The following LMBR1 variants were observed in gnomAD, a reference collection of about 807,000 sequenced individuals.
The protein encoded by LMBR1 is limb development membrane protein 1, also known as limb region 1 protein homolog.
In LMBR1, 52 loss-of-function variants were observed where a neutral mutation model predicts 73.9. That is an observed-to-expected ratio of 0.70 (90% CI 0.56 to 0.89). The LOEUF is 0.89. Among genes scored for constraint, LMBR1 ranks in the 40% least tolerant of loss-of-function variants. LMBR1 has a pLI of 0.00. For synonymous variants in LMBR1, 215 were observed against 209.4 expected, an observed-to-expected ratio of 1.03 and a Z score of -0.23; for missense variants, 539 against 579.8, an observed-to-expected ratio of 0.93 and a Z score of 0.72.
chr7:156,767,191 G>T (rs907526404), intron 5 of LMBR1, among the ~76,000 whole-genome samples: 1 of 152,074 alleles, frequency 6.6e-6, no homozygotes, highest in African/African-American at 2.4e-5. Flanking sequence ...GAGCATGCAG[G>T]GGAACTTTAG....
chr7:156,875,544 A>C (rs1800031035), intron 1 of LMBR1, among the ~76,000 whole-genome samples: 1 of 152,214 alleles, frequency 6.6e-6, no homozygotes, highest in South Asian at 2.1e-4. Flanking sequence ...AAGATGAAGG[A>C]AAGAATGTTA....
At chr7:156,716,191 C>T (rs1813172944) in intron 15 of LMBR1, among the ~76,000 whole-genome samples, 1 of 152,194 alleles carries the variant, frequency 6.6e-6, no homozygotes, top group South Asian at 2.1e-4. Flanking sequence ...GACTCTGAGA[C>T]ACCTTCACGT....
At chr7:156,721,044 T>C (rs555739512) in intron 15 of LMBR1, among the ~76,000 whole-genome samples, 1 of 152,194 alleles carries the variant, frequency 6.6e-6, no homozygotes, top group African/African-American at 2.4e-5. Flanking sequence ...TAATAGACTA[T>C]ATGGGACCCA....
intron 9 of LMBR1, among the ~76,000 whole-genome samples, chr7:156,741,149 T>C (rs546607107): frequency 5.3e-5 from 8 of 152,160 alleles, no homozygotes; most frequent in African/African-American, 1.4e-4. Context: ...TTGAAGAACA[T>C]ACAATGGATA....
intron 1 of LMBR1, among the ~76,000 whole-genome samples, chr7:156,877,140 A>G (rs533587036): frequency 6.6e-6 from 1 of 152,320 alleles, no homozygotes; most frequent in East Asian, 1.9e-4. Flanking sequence ...TAGACACATA[A>G]ACTAGAAAAC....
chr7:156,843,241 A>G (rs1839023468), intron 1 of LMBR1, among the ~76,000 whole-genome samples: 2 of 151,966 alleles, frequency 1.3e-5, no homozygotes, highest in African/African-American at 4.8e-5. Context: ...AACATCAAAT[A>G]CTCCCAGGAT....
intron 4 of LMBR1, among the ~76,000 whole-genome samples, chr7:156,805,958 C>T (rs964828090): frequency 4.6e-5 from 7 of 152,230 alleles, no homozygotes; most frequent in African/African-American, 1.7e-4. Context: ...GACAACCATC[C>T]GTGAGCCAAG....
intron 9 of LMBR1, among the ~76,000 whole-genome samples, chr7:156,741,321 C>G (rs1447521610): frequency 6.6e-6 from 1 of 151,874 alleles, no homozygotes; most frequent in South Asian, 2.1e-4. Flanking sequence ...TAACACTGAT[C>G]GTAAATGAAC....
intron 9 of LMBR1, among the ~76,000 whole-genome samples, chr7:156,749,188 T>C (rs753914800): frequency 1.1e-4 from 17 of 152,208 alleles, no homozygotes; most frequent in Non-Finnish European, 2.2e-4. Flanking sequence ...TTTGTAGGAT[T>C]GTCATTGCCA....
Position 156,836,775 on chromosome 7 carries a change from A to G in LMBR1, c.139+38T>C, listed in dbSNP as rs1363811423. 3.0e-6 allele frequency: 4 copies of G among 1,339,382 alleles called. No homozygotes were observed. In the Admixed American group the frequency reaches 8.1e-5, roughly 27 times the overall value. The allele number at this position is 1,339,382 out of a possible 1,614,324, so 83.0% of individuals were successfully genotyped here. On this transcript the variant is annotated intron_variant, in intron 2 of 16. Coordinates refer to ENST00000353442, the MANE Select transcript of LMBR1 (RefSeq NM_022458.4). ...ATATACCATGCCTAGACCATGTGGC[A>G]TTCTAACAAAGGTTTTAATTGACAT...
At chr7:156,888,655 C>A (rs915072787) in intron 1 of LMBR1, among the ~76,000 whole-genome samples, 1 of 152,140 alleles carries the variant, frequency 6.6e-6, no homozygotes, top group Non-Finnish European at 1.5e-5. Context: ...CGTTGGCTCC[C>A]GCCTGTAATC....
At chr7:156,744,355 T>TC (rs1819473637) in intron 9 of LMBR1, among the ~76,000 whole-genome samples, 1 of 152,022 alleles carries the variant, frequency 6.6e-6, no homozygotes, top group African/African-American at 2.4e-5. Context: ...TTTTTTTTTT[T>TC]CCATTGTTCT....
chr7:156,834,693 G>A (rs1426670032), intron 2 of LMBR1: 3 of 156,010 alleles, frequency 1.9e-5, no homozygotes, highest in Non-Finnish European at 4.1e-5. Flanking sequence ...TAAATATATT[G>A]AAATATATTT....
At position 156,678,596 on chromosome 7, in the gene LMBR1, C is replaced by T. The variant is rs1804470967; in HGVS notation, c.*5482G>A. 2 of 152,206 alleles carry T rather than the reference C, an allele frequency of 1.3e-5. No homozygotes were observed. Among genetic ancestry groups the T allele is most frequent in the African/African-American group, 4.8e-5 (2 of 41,454 alleles). The allele number at this position is 152,206 out of a possible 1,614,324, so 9.4% of individuals were successfully genotyped here. On this transcript the variant is annotated 3_prime_UTR_variant, in exon 17 of 17. Transcript: ENST00000353442. ...CAGGTCTCTTCTATAAAAACTGGGA[C>T]ACTGACCAAGAAAGAGTGGGGCCTT... is the stretch of plus-strand genomic sequence containing the variant.
chr7:156,673,047 G>T (rs1235409938), downstream of LMBR1, among the ~76,000 whole-genome samples: 1 of 152,220 alleles, frequency 6.6e-6, no homozygotes, highest in Non-Finnish European at 1.5e-5. Context: ...CAGGAGCTGA[G>T]GCTGCGGGGT....
intron 5 of LMBR1, 133 bp from the exon 6 acceptor site, chr7:156,763,928 C>A (rs986889666): frequency 1.0e-5 from 6 of 592,970 alleles, no homozygotes; most frequent in Non-Finnish European, 1.6e-5. Flanking sequence ...AGGAAAAAAA[C>A]ACTAGGTACT....
chr7:156,761,961 A>G (rs1823101345), intron 8 of LMBR1, among the ~76,000 whole-genome samples, 173 bp downstream of exon 8: 1 of 135,076 alleles, frequency 7.4e-6, no homozygotes, highest in African/African-American at 2.9e-5. Context: ...TGGGCGACAG[A>G]GCAAGACTCT....
chr7:156,887,578 C>CATGATGCCAGTTGGTG (rs1343747157), intron 1 of LMBR1, among the ~76,000 whole-genome samples: 3 of 151,680 alleles, frequency 2.0e-5, no homozygotes, highest in Admixed American at 1.3e-4. Context: ...GGAAAACCTT[C>CATGATGCCAGTTGGTG]ATGATGCCAG....
chr7:156,740,916 G>A (rs930730012), intron 9 of LMBR1, among the ~76,000 whole-genome samples: 4 of 152,062 alleles, frequency 2.6e-5, no homozygotes, highest in Non-Finnish European at 5.9e-5. Context: ...ATTAAATGAC[G>A]AACCAATCAA....
Sources: allele counts gnomAD v4.1 joint callset (sites outside exome capture counted in the v4.1 genomes callset), GRCh38; gene constraint gnomAD v4.1.1; transcripts MANE v1.5; gene names NCBI Gene and HGNC (gene_info 2026-07-23, HGNC 2026-07-21).